Variants in PAAF1 observed in about 807,000 individuals in gnomAD.
PAAF1 encodes the protein proteasomal ATPase-associated factor 1.
In PAAF1, 46 loss-of-function variants were observed where a neutral mutation model predicts 52.8. The ratio of observed to expected loss-of-function variants is 0.87; its 90% CI spans 0.69 to 1.11. PAAF1 has a LOEUF of 1.11. Among genes scored for constraint, PAAF1 ranks in the 50% most tolerant of loss-of-function variants. The pLI, the probability that PAAF1 is intolerant of heterozygous loss-of-function variation, is 0.00. For synonymous variants in PAAF1, 178 were observed against 172.8 expected (o/e 1.03, Z -0.24); for missense variants, 424 against 477.4 (o/e 0.89, Z 1.04).
chr11:73,909,276 C>A, intron 6 of PAAF1, 123 bp from the exon 7 acceptor site: 2 of 757,056 alleles, frequency 2.6e-6, no homozygotes, highest in Non-Finnish European at 4.2e-6. Context: ...ACATGGCCAG[C>A]ATGTGGTACC....
Position 73,878,863 on chromosome 11 carries a change from G to A in PAAF1, c.88+44G>A, listed in dbSNP as rs367823995. The A allele has an allele frequency of 3.6e-4, 555 of 1,561,764 alleles. 1 individual carries two copies. The Middle Eastern group carries it at 4.6e-3, about 13-fold the overall frequency. On this transcript the variant is annotated intron_variant, in intron 2 of 11. Transcript: ENST00000310571. The stretch of plus-strand genomic sequence containing the variant: ...ATATGCTGTGACTTTAAAGGAGAAG[G>A]ATTAATACCCTTAAAAGAAAGCTTC...
At chr11:73,915,383 G>A (rs1950036569) in intron 8 of PAAF1, among the ~76,000 whole-genome samples, 1 of 152,182 alleles carries the variant, frequency 6.6e-6, no homozygotes, top group South Asian at 2.1e-4. Context: ...AGAAAGGGTG[G>A]ATTGCTTGAG....
At chr11:73,909,241 C>T (rs1949860110) in intron 6 of PAAF1, among the ~76,000 whole-genome samples, 158 bp from the exon 7 acceptor site, 1 of 152,180 alleles carries the variant, frequency 6.6e-6, no homozygotes, top group African/African-American at 2.4e-5. Flanking sequence ...AGCTGGGACT[C>T]TATTTCTGTT....
chr11:73,896,167 T>G (rs1312930588), intron 4 of PAAF1, among the ~76,000 whole-genome samples: 3 of 151,318 alleles, frequency 2.0e-5, no homozygotes. Flanking sequence ...AATCTGAAAT[T>G]TCTCTATTCT....
intron 10 of PAAF1, among the ~76,000 whole-genome samples, 152 bp from the exon 11 acceptor site, chr11:73,924,462 AG>A (rs1950301842): frequency 6.6e-6 from 1 of 152,200 alleles, no homozygotes; most frequent in African/African-American, 2.4e-5. Context: ...ACAAAAAAAA[AG>A]TTGGCCCACG....
At chr11:73,891,222 A>T in intron 4 of PAAF1, 21 bp downstream of exon 4, 1 of 1,388,048 alleles carries the variant, frequency 7.2e-7, no homozygotes, top group Non-Finnish European at 1.0e-6. Context: ...TGATAAAATG[A>T]AGAGAAAATG....
At chr11:73,885,537 A>G (rs902055899) in intron 2 of PAAF1, among the ~76,000 whole-genome samples, 13 of 151,378 alleles carry the variant, frequency 8.6e-5, no homozygotes, top group Non-Finnish European at 1.9e-4. Context: ...TGAGGCTCCT[A>G]TACTCTCTAG....
chr11:73,915,087 C>G (rs1950028809), intron 8 of PAAF1, among the ~76,000 whole-genome samples: 1 of 152,094 alleles, frequency 6.6e-6, no homozygotes, highest in Non-Finnish European at 1.5e-5. Context: ...CTTAATGGTT[C>G]CAGCATTGGA....
At chr11:73,921,775 T>G (rs1025795624) in intron 10 of PAAF1, 6 of 1,202,076 alleles carry the variant, frequency 5.0e-6, no homozygotes, top group Non-Finnish European at 7.3e-6. Flanking sequence ...CAGCCCAGTC[T>G]CTTGCCTTAG....
chr11:73,876,863 TG>T, upstream of PAAF1: 4 of 696,200 alleles, frequency 5.7e-6, no homozygotes, highest in Non-Finnish European at 8.7e-6. Flanking sequence ...CAGCCCCTCG[TG>T]GGGAGCGTGC....
chr11:73,879,869 T>C (rs1331916428), intron 2 of PAAF1: 1 of 148,946 alleles, frequency 6.7e-6, no homozygotes, highest in African/African-American at 2.5e-5. Context: ...TGAGACCCCA[T>C]CATTAAAAAA....
chr11:73,903,955 G>A (rs893471058), intron 6 of PAAF1, among the ~76,000 whole-genome samples: 5 of 151,448 alleles, frequency 3.3e-5, no homozygotes, highest in African/African-American at 1.2e-4. Context: ...GTAGTGGTGT[G>A]CGCCTGTAAT....
chr11:73,914,737 C>T (rs148331294), intron 8 of PAAF1, among the ~76,000 whole-genome samples: 1 of 140,472 alleles, frequency 7.1e-6, no homozygotes, highest in South Asian at 2.2e-4. Context: ...CTCACTCTGT[C>T]GCCCAGGTTG....
chr11:73,929,278 A>G lies in PAAF1; in HGVS notation c.*1916A>G, dbSNP rs890280428. ...GCCCAGGCTGGTCTCAAACTCCTGA[A>G]CTCAAGTATTCCTCCCACCTTGGCC... On this transcript the variant is annotated 3_prime_UTR_variant, in exon 12 of 12. Coordinates refer to ENST00000310571, the MANE Select transcript of PAAF1 (RefSeq NM_025155.3). 2 of 151,992 alleles carry G rather than the reference A, an allele frequency of 1.3e-5. No individual in the cohort carries two copies. Among genetic ancestry groups the G allele is most frequent in the Non-Finnish European group, 2.9e-5 (2 of 68,034 alleles). The allele number at this position is 151,992 out of a possible 1,614,324, so 9.4% of individuals were successfully genotyped here.
intron 3 of PAAF1, among the ~76,000 whole-genome samples, chr11:73,887,970 G>A (rs191989211): frequency 1.3e-5 from 2 of 152,176 alleles, no homozygotes; most frequent in East Asian, 1.9e-4. Flanking sequence ...GGCTGGTCTC[G>A]AACTCCTGAC....
intron 11 of PAAF1, among the ~76,000 whole-genome samples, chr11:73,925,408 G>A (rs1950328569): frequency 6.6e-6 from 1 of 151,062 alleles, no homozygotes; most frequent in African/African-American, 2.4e-5. Context: ...TGAGGCTGCA[G>A]TGAGCTGTGA....
In PAAF1 at chr11:73,887,428, G is replaced by GA; in HGVS notation, c.165dup (p.Gly56ArgfsTer6). On this transcript the variant is annotated frameshift_variant, in exon 3 of 12. Coordinates refer to ENST00000310571, the MANE Select transcript of PAAF1 (RefSeq NM_025155.3). LOFTEE classifies it high-confidence loss of function. ...TGGCATCCCAGAGGTTACAGCTTCA[G>GA]AAGGATTTACTGTGAATGAAATAAA... is the stretch of plus-strand genomic sequence containing the variant. The GA allele has an allele frequency of 6.2e-7, 1 of 1,608,798 alleles. No individual in the cohort carries two copies. The highest frequency in any genetic ancestry group is 1.3e-5 in the African/African-American group (1 of 74,758).
intron 11 of PAAF1, among the ~76,000 whole-genome samples, chr11:73,925,874 T>C (rs1402477406): frequency 6.6e-6 from 1 of 152,156 alleles, no homozygotes; most frequent in Non-Finnish European, 1.5e-5. Context: ...ACCTTTTTGG[T>C]TCCCTTTCTC....
At chr11:73,896,427 T>C (rs1949367287) in intron 4 of PAAF1, among the ~76,000 whole-genome samples, 1 of 151,468 alleles carries the variant, frequency 6.6e-6, no homozygotes, top group African/African-American at 2.4e-5. Context: ...CTGGTTTTCC[T>C]AGGCAGAGGA....
Sources: gnomAD v4.1 joint callset for allele counts (sites outside exome capture counted in the v4.1 genomes callset) on GRCh38, gnomAD v4.1.1 for gene constraint, MANE v1.5 for transcripts, NCBI Gene and HGNC (gene_info 2026-07-23, HGNC 2026-07-21) for gene names.